CCR9: variants seen among roughly 807,000 people sequenced by gnomAD.
CCR9 encodes the protein C-C chemokine receptor type 9.
Under a neutral mutation model 8.7 loss-of-function variants are expected in CCR9, and 4 were observed. That is an observed-to-expected ratio of 0.46 (90% confidence interval 0.23 to 1.06). The LOEUF (loss-of-function observed/expected upper bound fraction) is 1.06. CCR9 is among the 50% of genes least tolerant of loss of function. The pLI is 0.21. For synonymous variants in CCR9, 159 were observed against 168.8 expected, an observed-to-expected ratio of 0.94 and a Z score of 0.45; for missense variants, 394 against 453.6, an observed-to-expected ratio of 0.87 and a Z score of 1.19.
At chr3:45,899,956 T>C (rs1282286986) in intron 2 of CCR9, among the ~76,000 whole-genome samples, 1 of 152,176 alleles carries the variant, frequency 6.6e-6, no homozygotes, top group Non-Finnish European at 1.5e-5. Context: ...TATATATGTG[T>C]GCATGCATGA....
At chr3:45,894,464 G>A (rs574531706) in intron 1 of CCR9, among the ~76,000 whole-genome samples, 10 of 152,286 alleles carry the variant, frequency 6.6e-5, no homozygotes, top group African/African-American at 2.4e-4. Context: ...GTTAGCTTCG[G>A]TGAGTCCCTT....
At chr3:45,888,044 A>G (rs1007989898) in intron 1 of CCR9, among the ~76,000 whole-genome samples, 3 of 152,238 alleles carry the variant, frequency 2.0e-5, no homozygotes, top group Admixed American at 2.0e-4. Flanking sequence ...CAATAACCCC[A>G]TGCTGATTTT....
rs1257545282 is a variant in CCR9, at chr3:45,900,860, C to T, written c.72C>T (p.Ser24=). 6.2e-7 allele frequency: 1 copy of T among 1,614,082 alleles called. No homozygotes were observed. Among genetic ancestry groups the T allele is most frequent in the East Asian group, 2.2e-5 (1 of 44,888 alleles). The part of the protein sequence containing the change: ...ADDYGSESTS[S]MEDYVNFNFT... Reference sequence around the variant, plus strand: ...ACTATGGCTCTGAATCCACATCTTCCATGGAAGACTACGTTAACTTCAACT... The same window carrying T: ...ACTATGGCTCTGAATCCACATCTTCTATGGAAGACTACGTTAACTTCAACT... The change falls in exon 3 of 3, where the codon TCC becomes TCT. Residue 24 remains serine (S), a synonymous_variant. Coordinates refer to ENST00000357632, the MANE Select transcript of CCR9 (RefSeq NM_031200.3). The surrounding 1 kb of genome is among the most constrained non-coding windows in gnomAD (Gnocchi z 4.7).
At chr3:45,897,721 TC>T in intron 2 of CCR9, 1 of 861,386 alleles carries the variant, frequency 1.2e-6, no homozygotes, top group Admixed American at 2.8e-5. Context: ...CTTGTGCTTG[TC>T]CTTCTGCCAA....
At chr3:45,897,932 C>A (rs927014657) in intron 2 of CCR9, among the ~76,000 whole-genome samples, 2 of 139,372 alleles carry the variant, frequency 1.4e-5, no homozygotes, top group Admixed American at 1.6e-4. Flanking sequence ...GCTTCACAGC[C>A]GTGGGCTCAG....
intron 2 of CCR9, among the ~76,000 whole-genome samples, chr3:45,897,880 G>A (rs1418169551): frequency 6.6e-6 from 1 of 150,542 alleles, no homozygotes; most frequent in Non-Finnish European, 1.5e-5. Flanking sequence ...ACTCCAGGCA[G>A]CAAGACCCCT....
chr3:45,900,801 C>T lies in CCR9; in HGVS notation c.22-9C>T. On this transcript the variant is annotated splice_polypyrimidine_tract_variant and intron_variant, in intron 2 of 2. Transcript: ENST00000357632. The surrounding 1 kb of genome is among the most constrained non-coding windows in gnomAD (Gnocchi z 4.7). ...CCTTGACCTAATGCCATCTTGTGTC[C>T]CCTTGCAGAGCCCTATTCCTAACAT... is the stretch of plus-strand genomic sequence containing the variant. 6.2e-7 allele frequency: 1 copy of T among 1,602,540 alleles called. No homozygotes were observed.
intron 2 of CCR9, among the ~76,000 whole-genome samples, chr3:45,899,714 G>A (rs1327099112): frequency 3.3e-5 from 5 of 152,158 alleles, no homozygotes; most frequent in Non-Finnish European, 7.3e-5. Flanking sequence ...TCTGTGGGCA[G>A]AGGTTTTGGA....
intron 1 of CCR9, among the ~76,000 whole-genome samples, chr3:45,887,005 G>C (rs1312555783): frequency 6.6e-6 from 1 of 152,148 alleles, no homozygotes; most frequent in Non-Finnish European, 1.5e-5. Flanking sequence ...CTGAGACACT[G>C]CCCCATGGAA....
At chr3:45,888,934 T>A (rs908212373) in intron 1 of CCR9, among the ~76,000 whole-genome samples, 8 of 152,238 alleles carry the variant, frequency 5.3e-5, no homozygotes, top group Admixed American at 3.3e-4. Flanking sequence ...TTTTATAAAC[T>A]GTAATATATT....
In CCR9 at chr3:45,901,035, A is replaced by G. The variant is rs1280762059; in HGVS notation, c.247A>G (p.Thr83Ala). ...GTACTGCACAAGAGTGAAGACCATG[A>G]CCGACATGTTCCTTTTGAATTTGGC... is the stretch of plus-strand genomic sequence containing the variant. The part of the protein sequence containing the change: ...YWYCTRVKTM[T>A]DMFLLNLAIA... Residue 83 changes from threonine (T) to alanine (A), a missense_variant, in exon 3 of 3, where the codon ACC becomes GCC. By Grantham distance (58) the Thr-to-Ala change is moderately conservative (BLOSUM62 0). Coordinates refer to ENST00000357632, the MANE Select transcript of CCR9 (RefSeq NM_031200.3). The surrounding 1 kb of genome is among the most constrained non-coding windows in gnomAD (Gnocchi z 4.3). 6.2e-7 allele frequency: 1 copy of G among 1,614,060 alleles called. No homozygotes were observed. The highest frequency in any genetic ancestry group is 1.7e-5 in the Admixed American group (1 of 60,026).
chr3:45,888,904 G>A (rs920782947), intron 1 of CCR9, among the ~76,000 whole-genome samples: 1 of 152,194 alleles, frequency 6.6e-6, no homozygotes, highest in South Asian at 2.1e-4. Flanking sequence ...AATTTTCTAT[G>A]AGCCAGAAGC....
chr3:45,895,135 T>C, intron 2 of CCR9, 181 bp downstream of exon 2: 4 of 653,444 alleles, frequency 6.1e-6, no homozygotes, highest in Non-Finnish European at 1.1e-5. Flanking sequence ...GTTTTGCAAA[T>C]GCAAAGAGGC....
rs1553616523 is a variant in CCR9 at position 45,890,306 on chromosome 3, T to TATATATATTTATATAAATATATATATAAC, written c.-29+3659_-29+3660insTTATATAAATATATATATAACATATATAT. On this transcript the variant is annotated intron_variant, in intron 1 of 2. Transcript: ENST00000357632. ...TATTTATATAAATATATATATAACA[T>TATATATATTTATATAAATATATATATAAC]ATATATATATTTATATAAATATATA... 6.1e-3 allele frequency among the ~76,000 whole-genome samples: 94 copies of TATATATATTTATATAAATATATATATAAC among 15,430 alleles called. 19 individuals carry two copies. The highest frequency in any genetic ancestry group is 8.9e-3 in the African/African-American group (16 of 1,796). 10.1% of individuals were successfully genotyped at this position (15,430 alleles called of 152,430 possible).
intron 1 of CCR9, among the ~76,000 whole-genome samples, chr3:45,894,018 G>T (rs1433621092): frequency 6.6e-6 from 1 of 152,170 alleles, no homozygotes; most frequent in African/African-American, 2.4e-5. Context: ...GAGAACCTTG[G>T]GGTGTGATGC....
chr3:45,901,479 G>A lies in CCR9; in HGVS notation c.691G>A (p.Ala231Thr), dbSNP rs61751653. ...LGFFLPFVVM[A>T]CCYTIIIHTL... The stretch of plus-strand genomic sequence containing the variant: ...GTTCTTCCTTCCCTTCGTGGTCATG[G>A]CTTGCTGCTATACCATCATCATTCA... Residue 231 changes from alanine to threonine, a missense_variant, in exon 3 of 3, where the codon GCT becomes ACT. Transcript: ENST00000357632. The surrounding 1 kb of genome is among the most constrained non-coding windows in gnomAD (Gnocchi z 4.3). 5,470 of 1,614,082 alleles carry A rather than the reference G, an allele frequency of 3.4e-3. 16 individuals carry two copies. The highest frequency in any genetic ancestry group is 4.0e-3 in the Non-Finnish European group (4,733 of 1,180,006).
chr3:45,892,516 A>C (rs1056292115), intron 1 of CCR9, among the ~76,000 whole-genome samples: 1 of 152,158 alleles, frequency 6.6e-6, no homozygotes, highest in African/African-American at 2.4e-5. Context: ...TGTTGAGTAC[A>C]TATGGACACA....
At chr3:45,897,608 A>C (rs1468705702) in intron 2 of CCR9, 1 of 1,535,678 alleles carries the variant, frequency 6.5e-7, no homozygotes, top group Admixed American at 2.0e-5. Flanking sequence ...TGGCCCAGGA[A>C]TCCATCTCCT....
At chr3:45,889,521 A>G (rs574645277) in intron 1 of CCR9, among the ~76,000 whole-genome samples, 15 of 151,894 alleles carry the variant, frequency 9.9e-5, no homozygotes, top group Non-Finnish European at 2.1e-4. Flanking sequence ...AGTTATTTTT[A>G]TGACAGCTCT....
Sources: allele counts gnomAD v4.1 joint callset (sites outside exome capture counted in the v4.1 genomes callset), GRCh38; gene constraint gnomAD v4.1.1; non-coding constraint Gnocchi (gnomAD v3.1); transcripts MANE v1.5; gene names NCBI Gene and HGNC (gene_info 2026-07-23, HGNC 2026-07-21).